The following DCDC1 variants were observed in gnomAD, a reference collection of about 807,000 sequenced individuals.
The protein encoded by DCDC1 is doublecortin domain containing 1, also known as doublecortin domain-containing protein 1.
DCDC1 carries 200 observed loss-of-function variants against 178.3 expected under a neutral mutation model. The ratio of observed to expected loss-of-function variants is 1.12; its 90% CI spans 1.00 to 1.26. The LOEUF is 1.26. Among genes scored for constraint, DCDC1 ranks in the 50% most tolerant of loss-of-function variants. DCDC1 has a pLI of 0.00. For missense variants in DCDC1, 1,983 were observed against 1,749.2 expected, an observed-to-expected ratio of 1.13 and a Z score of -2.38; for synonymous variants, 690 against 604.8, an observed-to-expected ratio of 1.14 and a Z score of -2.07.
chr11:31,273,229 C>T (rs1021709915), intron 7 of DCDC1, among the ~76,000 whole-genome samples: 5 of 152,200 alleles, frequency 3.3e-5, no homozygotes, highest in Non-Finnish European at 7.3e-5. Context: ...TTGAATTTCT[C>T]CTCAGAAAAT....
chr11:31,262,921 G>T (rs1944889374), intron 8 of DCDC1: 1 of 862,064 alleles, frequency 1.2e-6, no homozygotes, highest in Non-Finnish European at 1.7e-6. Context: ...GCTAATTTCA[G>T]CTGGCATAAG....
chr11:31,306,127 A>G lies in DCDC1; in HGVS notation c.591+105T>C, dbSNP rs1948441200. The G allele has an allele frequency of 4.4e-6, 5 of 1,137,424 alleles. No individual in the cohort carries two copies. In the South Asian group the frequency reaches 1.4e-4, roughly 32 times the overall value. 70.5% of individuals were successfully genotyped at this position (1,137,424 alleles called of 1,614,324 possible). The stretch of plus-strand genomic sequence containing the variant: ...GTATATATAAGCAATCGGTAGATTC[A>G]GATTCTCAAAAAGAAAATATTAACA... On this transcript the variant is annotated intron_variant, in intron 5 of 38. Coordinates refer to ENST00000684477, the MANE Select transcript of DCDC1 (RefSeq NM_001387274.1).
chr11:30,892,858 G>T lies in DCDC1; in HGVS notation c.5042C>A (p.Pro1681His), dbSNP rs746972463. The T allele has an allele frequency of 4.3e-6, 7 of 1,613,850 alleles. No individual in the cohort carries two copies. The highest frequency in any genetic ancestry group is 5.1e-6 in the Non-Finnish European group (6 of 1,179,824). ...RVWIYLNGGR[P>H]EDGTYAWGKT... is the part of the protein sequence containing the mutation. ...GCCCCAGGCATAAGTGCCATCTTCAGGTCTGCCTCCATTTAGATAAATCCA... is the reference window on the plus strand; with the variant it reads ...GCCCCAGGCATAAGTGCCATCTTCATGTCTGCCTCCATTTAGATAAATCCA... The change falls in exon 36 of 39, where the codon CCT (proline) becomes CAT (histidine). Residue 1681 changes from proline to histidine, a missense_variant. Pro to His is a moderately conservative substitution (Grantham distance 77). Coordinates refer to ENST00000684477, the MANE Select transcript of DCDC1 (RefSeq NM_001387274.1).
At chr11:31,023,460 CT>C (rs1953020931) in intron 20 of DCDC1, among the ~76,000 whole-genome samples, 1 of 151,582 alleles carries the variant, frequency 6.6e-6, no homozygotes, top group Non-Finnish European at 1.5e-5. Flanking sequence ...GAGGAAGACA[CT>C]TAGTAAGTGT....
intron 18 of DCDC1, among the ~76,000 whole-genome samples, chr11:31,070,728 A>ACCCCATC (rs1254682426): frequency 6.6e-6 from 1 of 152,170 alleles, no homozygotes; most frequent in African/African-American, 2.4e-5. Flanking sequence ...GCTAAACAGA[A>ACCCCATC]CCCCATCCAT....
chr11:30,972,514 C>T (rs1949860284), intron 20 of DCDC1, among the ~76,000 whole-genome samples: 1 of 151,976 alleles, frequency 6.6e-6, no homozygotes, highest in Non-Finnish European at 1.5e-5. Flanking sequence ...ATCATGAAAA[C>T]ATACAAAAGT....
intron 9 of DCDC1, among the ~76,000 whole-genome samples, chr11:31,199,616 C>A (rs1018617537): frequency 5.9e-5 from 9 of 152,050 alleles, no homozygotes; most frequent in Non-Finnish European, 1.0e-4. Flanking sequence ...CTGTGTCTTA[C>A]AAGAATTTCA....
At chr11:31,257,261 G>A (rs1395891732) in intron 8 of DCDC1, among the ~76,000 whole-genome samples, 1 of 152,142 alleles carries the variant, frequency 6.6e-6, no homozygotes, top group African/African-American at 2.4e-5. Flanking sequence ...AAAAAGAAAT[G>A]TGGATGAGAT....
chr11:31,191,770 G>A (rs1367064792), intron 9 of DCDC1, among the ~76,000 whole-genome samples: 1 of 151,956 alleles, frequency 6.6e-6, no homozygotes, highest in Non-Finnish European at 1.5e-5. Flanking sequence ...AGTCTAGTAG[G>A]CCTTCTCACG....
intron 17 of DCDC1, among the ~76,000 whole-genome samples, chr11:31,080,181 T>C (rs1179581973): frequency 2.6e-5 from 4 of 152,012 alleles, no homozygotes; most frequent in Admixed American, 2.6e-4. Flanking sequence ...ACTAAAATGA[T>C]GGTTATGATA....
Position 31,075,091 on chromosome 11 carries a change from TC to T in DCDC1, c.2298+2773del, listed in dbSNP as rs1221448352. 2.6e-5 allele frequency among the ~76,000 whole-genome samples: 4 copies of T among 152,294 alleles called. No individual in the cohort carries two copies. In the East Asian group the frequency reaches 7.7e-4, roughly 29 times the overall value. ...GTCTCCAATATCTATCATTCTACAC[TC>T]TATGTCCATGTGTACACATTATTTA... On this transcript the variant is annotated intron_variant, in intron 18 of 38. Transcript: ENST00000684477.
At chr11:31,251,925 G>T (rs1241892647) in intron 8 of DCDC1, among the ~76,000 whole-genome samples, 1 of 152,142 alleles carries the variant, frequency 6.6e-6, no homozygotes, top group African/African-American at 2.4e-5. Context: ...ACTAAGTAAA[G>T]ATAGAGAAGT....
At chr11:30,871,511 C>G (rs1345937886) in intron 38 of DCDC1, among the ~76,000 whole-genome samples, 1 of 152,138 alleles carries the variant, frequency 6.6e-6, no homozygotes, top group Non-Finnish European at 1.5e-5. Context: ...AATGTCTAGT[C>G]CAACATTCAC....
intron 20 of DCDC1, among the ~76,000 whole-genome samples, chr11:31,010,481 A>G (rs1480875123): frequency 6.6e-6 from 1 of 152,158 alleles, no homozygotes; most frequent in Non-Finnish European, 1.5e-5. Context: ...AAAGTGTCCC[A>G]CTCTAGTTTG....
At chr11:31,274,728 T>A (rs1435531409) in intron 7 of DCDC1, among the ~76,000 whole-genome samples, 2 of 145,794 alleles carry the variant, frequency 1.4e-5, no homozygotes, top group African/African-American at 5.2e-5. Context: ...CGAGACAGAG[T>A]CTCACTCTGT....
At chr11:30,955,044 C>T (rs1948687479) in intron 20 of DCDC1, among the ~76,000 whole-genome samples, 1 of 152,220 alleles carries the variant, frequency 6.6e-6, no homozygotes, top group South Asian at 2.1e-4. Flanking sequence ...TAAGCTCCTA[C>T]AACTGCAGGT....
intron 21 of DCDC1, among the ~76,000 whole-genome samples, chr11:30,933,497 G>A (rs1342533477): frequency 1.3e-5 from 2 of 151,930 alleles, no homozygotes. Flanking sequence ...TTGCCTTCCT[G>A]GATAAATCAA....
rs189991314 is a variant in DCDC1 at position 31,192,730 on chromosome 11, C to T, written c.1221+48720G>A. On this transcript the variant is annotated intron_variant, in intron 9 of 38. Coordinates refer to ENST00000684477, the MANE Select transcript of DCDC1 (RefSeq NM_001387274.1). The stretch of plus-strand genomic sequence containing the variant: ...TATTGAATGATTCATCTATAAGACT[C>T]TGATGGTTAGTTTTTATGTGTCCAC... Among the ~76,000 whole-genome samples, 458 of 152,198 alleles carry T rather than the reference C, an allele frequency of 3.0e-3. 3 individuals carry two copies. The highest frequency in any genetic ancestry group is 5.3e-3 in the Non-Finnish European group (360 of 67,982).
In DCDC1 at chr11:31,102,250, A is replaced by G; in HGVS notation, c.1910T>C (p.Phe637Ser). The change falls in exon 15 of 39, where the codon TTC becomes TCC. Residue 637 changes from phenylalanine to serine, a missense_variant. By Grantham distance (155) the Phe-to-Ser change is radical (BLOSUM62 -2). Coordinates refer to ENST00000684477, the MANE Select transcript of DCDC1 (RefSeq NM_001387274.1). ...WEVCEGFPIN[F>S]NCTSQQIPDQ... ...AGGTATCTGTTGACTGGTACAGTTG[A>G]AATTAATTGGAAATCCCTCACAAAC... is the stretch of plus-strand genomic sequence containing the variant. The G allele has an allele frequency of 1.4e-6, 1 of 729,176 alleles. No individual in the cohort carries two copies. The highest frequency in any genetic ancestry group is 2.5e-5 in the East Asian group (1 of 40,324). 45.2% of individuals were successfully genotyped at this position (729,176 alleles called of 1,614,324 possible). A position where few individuals can be genotyped will look rare whatever the true frequency, so the allele number is the denominator to read the frequency against.
Sources: gnomAD v4.1 joint callset for allele counts (sites outside exome capture counted in the v4.1 genomes callset) on GRCh38, gnomAD v4.1.1 for gene constraint, MANE v1.5 for transcripts, NCBI Gene and HGNC (gene_info 2026-07-23, HGNC 2026-07-21) for gene names.